The following SAP130 variants were observed in gnomAD, a reference collection of about 807,000 sequenced individuals.
SAP130 encodes the protein Sin3A associated protein 130.
Under a neutral mutation model 103.2 loss-of-function variants are expected in SAP130, and 16 were observed. That is an observed-to-expected ratio of 0.16 (90% CI 0.10 to 0.24). The LOEUF is 0.24. Among genes scored for constraint, SAP130 ranks in the 10% least tolerant of loss-of-function variants. SAP130 has a pLI of 1.00. For missense variants in SAP130, 990 were observed against 1,359.7 expected (o/e 0.73, Z 4.28); for synonymous variants, 477 against 497.0 (o/e 0.96, Z 0.53).
intron 18 of SAP130, 50 bp downstream of exon 18, chr2:127,949,819 G>A: frequency 6.3e-7 from 1 of 1,583,784 alleles, no homozygotes; most frequent in Non-Finnish European, 8.6e-7. Context: ...TTTTAATTAA[G>A]TTTACACCAA....
At chr2:128,007,170 T>C (rs1386321128) in intron 7 of SAP130, among the ~76,000 whole-genome samples, 6 of 152,226 alleles carry the variant, frequency 3.9e-5, no homozygotes, top group Non-Finnish European at 8.8e-5. Flanking sequence ...GTGCCACATC[T>C]ATGGATTCAA....
chr2:127,954,906 G>A (rs954581111), intron 16 of SAP130, 80 bp downstream of exon 16: 2 of 1,136,164 alleles, frequency 1.8e-6, no homozygotes, highest in South Asian at 3.0e-5. Context: ...GAGGGTTACA[G>A]AAGAATCTGG....
At chr2:127,992,908 C>T (rs1682912960) in intron 12 of SAP130, among the ~76,000 whole-genome samples, 1 of 152,158 alleles carries the variant, frequency 6.6e-6, no homozygotes, top group African/African-American at 2.4e-5. Flanking sequence ...AAGTGCAGCT[C>T]TATTCATTGT....
intron 15 of SAP130, among the ~76,000 whole-genome samples, chr2:127,965,685 G>C (rs1393463514): frequency 6.6e-6 from 1 of 151,964 alleles, no homozygotes; most frequent in Non-Finnish European, 1.5e-5. Flanking sequence ...AGCCACTCGG[G>C]AGGCTAAGGC....
intron 16 of SAP130, among the ~76,000 whole-genome samples, chr2:127,954,758 T>A (rs1413571960): frequency 6.6e-6 from 1 of 152,232 alleles, no homozygotes; most frequent in Non-Finnish European, 1.5e-5. Context: ...TCTTTCATGA[T>A]TTTGGCCAGA....
intron 18 of SAP130, among the ~76,000 whole-genome samples, chr2:127,947,658 A>G (rs1679175587): frequency 6.6e-6 from 1 of 152,146 alleles, no homozygotes; most frequent in Non-Finnish European, 1.5e-5. Flanking sequence ...TGTCTCTAGC[A>G]ATTTTCTTTC....
intron 19 of SAP130, among the ~76,000 whole-genome samples, chr2:127,943,543 G>T (rs1005162564): frequency 6.6e-6 from 1 of 152,198 alleles, no homozygotes; most frequent in Non-Finnish European, 1.5e-5. Context: ...ACTGCTCCTA[G>T]GCTACAAACA....
intron 14 of SAP130, among the ~76,000 whole-genome samples, chr2:127,984,627 C>T (rs1283167249): frequency 1.3e-5 from 2 of 152,242 alleles, no homozygotes; most frequent in South Asian, 2.1e-4. Context: ...AAAGTAGAGT[C>T]CTCTTCTCAT....
At chr2:128,021,343 A>G (rs531291419) in intron 2 of SAP130, among the ~76,000 whole-genome samples, 23 of 151,418 alleles carry the variant, frequency 1.5e-4, no homozygotes, top group Admixed American at 2.6e-4. Flanking sequence ...GCTACTTGGG[A>G]GGCCGAGGCA....
intron 16 of SAP130, among the ~76,000 whole-genome samples, chr2:127,954,317 T>C (rs995700388): frequency 5.9e-5 from 9 of 152,158 alleles, no homozygotes; most frequent in East Asian, 1.9e-4. Flanking sequence ...CTCACTGAAA[T>C]AGCAGGTAAT....
At chr2:127,949,820 T>C (rs1296280570) in intron 18 of SAP130, 49 bp downstream of exon 18, 1 of 1,585,380 alleles carries the variant, frequency 6.3e-7, no homozygotes, top group South Asian at 1.1e-5. Context: ...TTTAATTAAG[T>C]TTACACCAAT....
intron 15 of SAP130, among the ~76,000 whole-genome samples, chr2:127,963,137 T>C (rs1680378253): frequency 1.3e-5 from 2 of 152,232 alleles, no homozygotes; most frequent in South Asian, 4.1e-4. Flanking sequence ...TGGAAATATA[T>C]CTTCCCAATT....
intron 7 of SAP130, among the ~76,000 whole-genome samples, chr2:128,003,651 G>A (rs375311222): frequency 6.6e-6 from 1 of 152,098 alleles, no homozygotes; most frequent in African/African-American, 2.4e-5. Flanking sequence ...CAGGTCCATA[G>A]TGACTCACCC....
chr2:127,970,173 A>G (rs1680972690), intron 15 of SAP130, among the ~76,000 whole-genome samples: 1 of 150,114 alleles, frequency 6.7e-6, no homozygotes, highest in Admixed American at 6.7e-5. Flanking sequence ...GGTTGCAGTA[A>G]GCCGAGATTA....
chr2:127,963,231 TTC>T (rs1214045399), intron 15 of SAP130, among the ~76,000 whole-genome samples: 6 of 152,210 alleles, frequency 3.9e-5, no homozygotes. Context: ...TGAGTCAAAT[TTC>T]TCTCTCTCTT....
chr2:127,965,937 AG>A (rs1337630891), intron 15 of SAP130, among the ~76,000 whole-genome samples: 1 of 152,190 alleles, frequency 6.6e-6, no homozygotes, highest in Non-Finnish European at 1.5e-5. Flanking sequence ...CGTGAATTAA[AG>A]CCCTTTTGCT....
Position 127,989,101 on chromosome 2 carries a change from T to C in SAP130, c.1780+463A>G, listed in dbSNP as rs77691534. On this transcript the variant is annotated intron_variant, in intron 13 of 20. Transcript: ENST00000643581. This position sits in a 1 kb window ranked among gnomAD's most constrained non-coding sequence, Gnocchi z 4.6. ...ACTAGGGCTGTTGATGTATACTGTA[T>C]CTTTTTTTTTTTTTGGAGACAGAGT... Among the ~76,000 whole-genome samples the C allele has an allele frequency of 0.028, 4,177 of 151,578 alleles. 176 individuals carry two copies. The highest frequency in any genetic ancestry group is 0.092 in the African/African-American group (3,802 of 41,300).
intron 7 of SAP130, among the ~76,000 whole-genome samples, chr2:128,006,274 C>T (rs767541567): frequency 1.3e-5 from 2 of 152,034 alleles, no homozygotes; most frequent in Non-Finnish European, 2.9e-5. Flanking sequence ...AAATTTTGCC[C>T]TTTTTGAAGA....
chr2:127,949,156 T>G (rs1679323937), intron 18 of SAP130, among the ~76,000 whole-genome samples: 2 of 152,302 alleles, frequency 1.3e-5, no homozygotes, highest in Non-Finnish European at 2.9e-5. Flanking sequence ...ATCTTGAGCC[T>G]TCAAGAAAAC....
Sources: gnomAD v4.1 joint callset for allele counts (sites outside exome capture counted in the v4.1 genomes callset) on GRCh38, gnomAD v4.1.1 for gene constraint, Gnocchi (gnomAD v3.1) non-coding constraint, MANE v1.5 for transcripts, NCBI Gene and HGNC (gene_info 2026-07-23, HGNC 2026-07-21) for gene names.